Variants in NLGN1 observed in about 807,000 individuals in gnomAD.
NLGN1 encodes the protein neuroligin 1, also known as neuroligin-1.
In NLGN1, 12 loss-of-function variants were observed where a neutral mutation model predicts 65.5. That is an observed-to-expected ratio of 0.18 (90% CI 0.12 to 0.30). The LOEUF (loss-of-function observed/expected upper bound fraction) is 0.30, where lower values mean the gene tolerates loss of function less well. Among genes scored for constraint, NLGN1 ranks in the 10% least tolerant of loss-of-function variants. NLGN1 has a pLI of 1.00. For missense variants in NLGN1, 750 were observed against 1,007.1 expected (o/e 0.74, Z 3.46); for synonymous variants, 350 against 359.5 (o/e 0.97, Z 0.30).
intron 3 of NLGN1, among the ~76,000 whole-genome samples, chr3:173,703,320 T>A (rs1578035116): frequency 6.6e-6 from 1 of 152,192 alleles, no homozygotes; most frequent in East Asian, 1.9e-4. Context: ...GTTTGTTTCC[T>A]AGATCCTGAT....
chr3:173,737,155 CAT>C, intron 3 of NLGN1, among the ~76,000 whole-genome samples: 1 of 151,880 alleles, frequency 6.6e-6, no homozygotes, highest in South Asian at 2.1e-4. Flanking sequence ...ATAGAGTGAA[CAT>C]GTGTCACTTG....
intron 4 of NLGN1, among the ~76,000 whole-genome samples, chr3:174,045,420 C>T (rs1441932571): frequency 3.3e-5 from 5 of 152,024 alleles, no homozygotes; most frequent in African/African-American, 7.2e-5. Flanking sequence ...CACTTACTAT[C>T]GTGAGAACAG....
At chr3:174,155,012 A>ATATATTAT (rs1561175708) in intron 4 of NLGN1, among the ~76,000 whole-genome samples, 2 of 81,142 alleles carry the variant, frequency 2.5e-5, no homozygotes, top group African/African-American at 6.7e-5. Context: ...TTATATATTG[A>ATATATTAT]TATAAATATA....
At chr3:173,906,433 G>T (rs1283561308) in intron 4 of NLGN1, among the ~76,000 whole-genome samples, 1 of 151,972 alleles carries the variant, frequency 6.6e-6, no homozygotes, top group Non-Finnish European at 1.5e-5. Context: ...CCTTTATTGT[G>T]TACCTACTTT....
At chr3:173,728,333 G>A (rs9837948) in intron 3 of NLGN1, among the ~76,000 whole-genome samples, 81,535 of 151,922 alleles carry the variant, frequency 0.54, 22,656 homozygotes, top group East Asian at 0.71. Context: ...TTTGGCATAT[G>A]GAAAAATAAT....
intron 4 of NLGN1, among the ~76,000 whole-genome samples, chr3:174,128,784 G>A (rs1719510655): frequency 6.6e-6 from 1 of 152,094 alleles, no homozygotes; most frequent in African/African-American, 2.4e-5. Context: ...CTTTAGATAT[G>A]GTGCTGCATA....
intron 2 of NLGN1, among the ~76,000 whole-genome samples, chr3:173,581,687 G>GT (rs1308681799): frequency 2.0e-5 from 3 of 151,444 alleles, no homozygotes; most frequent in Non-Finnish European, 3.0e-5. Flanking sequence ...TAGTAGTACA[G>GT]TTTTTTAAAA....
chr3:173,436,653 C>T (rs145352851), intron 2 of NLGN1, among the ~76,000 whole-genome samples: 241 of 152,274 alleles, frequency 1.6e-3, no homozygotes, highest in African/African-American at 5.6e-3. Context: ...AGAAGCTAAC[C>T]TTGACTTCTA....
intron 3 of NLGN1, among the ~76,000 whole-genome samples, chr3:173,641,069 C>T (rs140392399): frequency 2.6e-5 from 4 of 152,022 alleles, no homozygotes; most frequent in Non-Finnish European, 5.9e-5. Flanking sequence ...AGATAGTGTA[C>T]CTCTTCTGTT....
At chr3:173,677,725 A>G (rs963988522) in intron 3 of NLGN1, among the ~76,000 whole-genome samples, 1 of 152,242 alleles carries the variant, frequency 6.6e-6, no homozygotes, top group Admixed American at 6.6e-5. Flanking sequence ...ACTACCATAA[A>G]TAAACTGTCT....
At chr3:173,994,491 A>AAAAGAAAGAG (rs10688223) in intron 4 of NLGN1, among the ~76,000 whole-genome samples, 1 of 81,206 alleles carries the variant, frequency 1.2e-5, no homozygotes, top group African/African-American at 5.6e-5. Flanking sequence ...AAAAAAAAAA[A>AAAAGAAAGAG]AGAGAGAGAG....
At chr3:173,546,132 C>G (rs1173590418) in intron 2 of NLGN1, among the ~76,000 whole-genome samples, 1 of 151,950 alleles carries the variant, frequency 6.6e-6, no homozygotes, top group East Asian at 1.9e-4. Flanking sequence ...AGATATGAAG[C>G]CCTGATGGAA....
At chr3:173,901,048 AC>A (rs983829854) in intron 4 of NLGN1, among the ~76,000 whole-genome samples, 15 of 151,802 alleles carry the variant, frequency 9.9e-5, no homozygotes, top group African/African-American at 3.4e-4. Flanking sequence ...ACCTAAGAAT[AC>A]TCTTAAGACT....
upstream of NLGN1, among the ~76,000 whole-genome samples, chr3:173,397,098 GT>G (rs138225787): frequency 1.3e-5 from 2 of 151,856 alleles, no homozygotes; most frequent in South Asian, 2.1e-4. Context: ...AAACTGGGTG[GT>G]TTTTTTTAAG....
chr3:173,880,995 C>A (rs771989477), intron 4 of NLGN1, among the ~76,000 whole-genome samples: 2 of 151,990 alleles, frequency 1.3e-5, no homozygotes, highest in Admixed American at 6.6e-5. Flanking sequence ...TCAAAAAAAA[C>A]CACTTTCTTT....
At chr3:173,764,813 TA>T (rs984683385) in intron 3 of NLGN1, among the ~76,000 whole-genome samples, 2 of 152,152 alleles carry the variant, frequency 1.3e-5, no homozygotes, top group Non-Finnish European at 2.9e-5. Context: ...AATATATTTA[TA>T]AAAAATCATA....
intron 4 of NLGN1, among the ~76,000 whole-genome samples, chr3:174,007,586 A>G (rs1724695562): frequency 6.6e-6 from 1 of 152,224 alleles, no homozygotes; most frequent in Non-Finnish European, 1.5e-5. Context: ...ACAAACTTAT[A>G]TCCCCAGCTA....
chr3:173,565,198 A>G (rs2149311004), intron 2 of NLGN1, among the ~76,000 whole-genome samples: 1 of 152,360 alleles, frequency 6.6e-6, no homozygotes, highest in Admixed American at 6.5e-5. Flanking sequence ...TGAGAAGGAC[A>G]GCCAGGTGAA....
chr3:173,675,798 CTA>C (rs374693171), intron 3 of NLGN1, among the ~76,000 whole-genome samples: 57 of 151,674 alleles, frequency 3.8e-4, no homozygotes, highest in African/African-American at 1.3e-3. Context: ...ATGAGCCTGA[CTA>C]TGTGATAAAA....
Sources: allele counts gnomAD v4.1 joint callset (sites outside exome capture counted in the v4.1 genomes callset), GRCh38; gene constraint gnomAD v4.1.1; transcripts MANE v1.5; gene names NCBI Gene and HGNC (gene_info 2026-07-23, HGNC 2026-07-21).